The following CHST3 variants were observed in gnomAD, a reference collection of about 807,000 sequenced individuals.
The protein encoded by CHST3 is C6ST-1.
Under a neutral mutation model 35.4 loss-of-function variants are expected in CHST3, and 20 were observed. That is an observed-to-expected ratio of 0.57 (90% CI 0.40 to 0.82). CHST3 has a LOEUF of 0.82. Among genes scored for constraint, CHST3 ranks in the 40% least tolerant of loss-of-function variants. The probability of loss-of-function intolerance (pLI) is 0.00; values close to 1 mark genes in which losing one functional copy is unlikely to be tolerated. For synonymous variants in CHST3, 334 were observed against 295.9 expected (o/e 1.13, Z -1.32); for missense variants, 693 against 670.1 (o/e 1.03, Z -0.38).
intron 1 of CHST3, 93 bp downstream of exon 1, chr10:71,964,787 C>T (rs1839612821): frequency 6.6e-6 from 1 of 152,188 alleles, no homozygotes; most frequent in African/African-American, 2.4e-5. Flanking sequence ...GGCGCGCGCG[C>T]CAGACTTTGG....
chr10:71,979,706 A>G (rs904919278), intron 1 of CHST3, among the ~76,000 whole-genome samples: 1 of 151,984 alleles, frequency 6.6e-6, no homozygotes, highest in Non-Finnish European at 1.5e-5. Context: ...TTCTCTATCT[A>G]AGGTAGTCAG....
At chr10:71,970,364 G>GA (rs1491036938) in intron 1 of CHST3, among the ~76,000 whole-genome samples, 1 of 150,416 alleles carries the variant, frequency 6.6e-6, no homozygotes, top group Non-Finnish European at 1.5e-5. Flanking sequence ...AGGATTTGGA[G>GA]AAAAAGTGTG....
At chr10:71,990,456 C>G (rs555044439) in intron 1 of CHST3, among the ~76,000 whole-genome samples, 16 of 152,288 alleles carry the variant, frequency 1.1e-4, no homozygotes, top group Admixed American at 9.8e-4. Flanking sequence ...CTCCACCTCC[C>G]ACGTTCAAGC....
chr10:72,011,115 A>C lies in CHST3; in HGVS notation c.*2644A>C, dbSNP rs531918105. 1 of 152,332 alleles carries C rather than the reference A, an allele frequency of 6.6e-6. No homozygotes were observed. The highest frequency in any genetic ancestry group is 1.9e-4 in the East Asian group (1 of 5,194). The allele number at this position is 152,332 out of a possible 1,614,324, so 9.4% of individuals were successfully genotyped here. A position where few individuals can be genotyped will look rare whatever the true frequency, so the allele number is the denominator to read the frequency against. On this transcript the variant is annotated 3_prime_UTR_variant, in exon 3 of 3. Coordinates refer to ENST00000373115, the MANE Select transcript of CHST3 (RefSeq NM_004273.5). Reference sequence around the variant, plus strand: ...TCAAGAAAGACAAAATAACAATAGAAACCATTCACACACTCCGTTCATGCA... The same window carrying C: ...TCAAGAAAGACAAAATAACAATAGACACCATTCACACACTCCGTTCATGCA...
In CHST3 at chr10:72,008,197, C is replaced by T. The variant is rs766952355; in HGVS notation, c.1166C>T (p.Ala389Val). The T allele has an allele frequency of 8.4e-6, 13 of 1,550,528 alleles. No homozygotes were observed. Among genetic ancestry groups the T allele is most frequent in the South Asian group, 5.9e-5 (5 of 84,092 alleles). The stretch of plus-strand genomic sequence containing the variant: ...AAGGCCCGCGAGATGTACCGCTTCG[C>T]CGGCATCCCCCTGACCCCGCAGGTG... ...LQKAREMYRF[A>V]GIPLTPQVED... Residue 389 changes from alanine (A) to valine (V), a missense_variant, in exon 3 of 3, where the codon GCC becomes GTC. Ala to Val is a moderately conservative substitution (Grantham distance 64). Coordinates refer to ENST00000373115, the MANE Select transcript of CHST3 (RefSeq NM_004273.5).
At chr10:72,002,838 G>A (rs1452821604) in intron 1 of CHST3, among the ~76,000 whole-genome samples, 1 of 152,180 alleles carries the variant, frequency 6.6e-6, no homozygotes, top group East Asian at 1.9e-4. Context: ...CAGCTACCAG[G>A]CACCAGCCTC....
At chr10:71,970,048 G>A (rs4148914) in intron 1 of CHST3, among the ~76,000 whole-genome samples, 27,570 of 152,230 alleles carry the variant, frequency 0.18, 3,061 homozygotes, top group Middle Eastern at 0.27. Flanking sequence ...CTCCACAGCG[G>A]GGTGTGGGGT....
chr10:72,008,009 C>T lies in CHST3; in HGVS notation c.978C>T (p.Asp326=). The change falls in exon 3 of 3, where the codon GAC becomes GAT. Residue 326 remains aspartate, a synonymous_variant. Coordinates refer to ENST00000373115, the MANE Select transcript of CHST3 (RefSeq NM_004273.5). The stretch of plus-strand genomic sequence containing the variant: ...ATAAGACCTGGAAGAAGTGGCTGGA[C>T]GACGAGGGCCAGGACGGCCTGAGGG... ...GKYKTWKKWL[D]DEGQDGLREE... 6.5e-7 allele frequency: 1 copy of T among 1,549,504 alleles called. No individual in the cohort carries two copies. Among genetic ancestry groups the T allele is most frequent in the Non-Finnish European group, 8.7e-7 (1 of 1,146,516 alleles).
chr10:72,009,194 A>G lies in CHST3; in HGVS notation c.*723A>G, dbSNP rs1374052860. On this transcript the variant is annotated 3_prime_UTR_variant, in exon 3 of 3. Coordinates refer to ENST00000373115, the MANE Select transcript of CHST3 (RefSeq NM_004273.5). ...ACAAGCTTCCTCGCTGCTTATGCCC[A>G]CAGGGTTTTTCTGTATGACACACCT... 2 of 152,268 alleles carry G rather than the reference A, an allele frequency of 1.3e-5. No individual in the cohort carries two copies. The highest frequency in any genetic ancestry group is 4.8e-5 in the African/African-American group (2 of 41,464). 9.4% of individuals were successfully genotyped at this position (152,268 alleles called of 1,614,324 possible).
intron 1 of CHST3, among the ~76,000 whole-genome samples, chr10:71,996,056 C>G (rs1422311543): frequency 6.6e-6 from 1 of 152,162 alleles, no homozygotes; most frequent in Non-Finnish European, 1.5e-5. Flanking sequence ...CATATAAAGG[C>G]ATGTGAGTAA....
At position 72,008,668 on chromosome 10, in the gene CHST3, A is replaced by G; in HGVS notation, c.*197A>G. 1 of 1,191,900 alleles carries G rather than the reference A, an allele frequency of 8.4e-7. No homozygotes were observed. Among genetic ancestry groups the G allele is most frequent in the Non-Finnish European group, 1.1e-6 (1 of 890,724 alleles). The allele number at this position is 1,191,900 out of a possible 1,614,324, so 73.8% of individuals were successfully genotyped here. On this transcript the variant is annotated 3_prime_UTR_variant, in exon 3 of 3. Transcript: ENST00000373115. ...AACAGGACAGTGCCCGGTCCCCTTGAGGGCCATCACACCCAGACCCAACGG... is the reference window on the plus strand; with the variant it reads ...AACAGGACAGTGCCCGGTCCCCTTGGGGGCCATCACACCCAGACCCAACGG...
intron 1 of CHST3, among the ~76,000 whole-genome samples, chr10:71,995,831 CAG>C (rs1415580644): frequency 6.6e-6 from 1 of 152,048 alleles, no homozygotes; most frequent in African/African-American, 2.4e-5. Context: ...ATCACCATAA[CAG>C]ATATAATAAT....
Position 71,989,042 on chromosome 10 carries a change from A to G in CHST3, c.-107-16694A>G, listed in dbSNP as rs570008096. ...CCGGGCATGCTGGCACTCACCTGTA[A>G]TCCCATCTACTCAGGAGGCTGAGGC... On this transcript the variant is annotated intron_variant, in intron 1 of 2. Transcript: ENST00000373115. Among the ~76,000 whole-genome samples, 396 of 152,236 alleles carry G rather than the reference A, an allele frequency of 2.6e-3. 2 individuals are homozygous for G. Among genetic ancestry groups the G allele is most frequent in the African/African-American group, 8.6e-3 (358 of 41,534 alleles).
intron 1 of CHST3, among the ~76,000 whole-genome samples, chr10:72,003,154 T>C (rs1840008942): frequency 6.6e-6 from 1 of 152,166 alleles, no homozygotes. Context: ...TGAGTGCAAG[T>C]GCTTAGCATG....
chr10:71,997,713 T>C (rs192634697), intron 1 of CHST3, among the ~76,000 whole-genome samples: 1,933 of 145,570 alleles, frequency 0.013, 26 homozygotes, highest in Middle Eastern at 0.019. Flanking sequence ...AGACGGAGTC[T>C]TGCAGTGGTG....
intron 1 of CHST3, among the ~76,000 whole-genome samples, chr10:71,976,756 A>G (rs1217860958): frequency 1.3e-5 from 2 of 152,220 alleles, no homozygotes; most frequent in Non-Finnish European, 2.9e-5. Context: ...CTCTGCTTAA[A>G]TTCAAAGACT....
intron 1 of CHST3, among the ~76,000 whole-genome samples, chr10:71,978,635 G>A (rs934314662): frequency 2.0e-5 from 3 of 152,190 alleles, no homozygotes; most frequent in Non-Finnish European, 2.9e-5. Flanking sequence ...TCCTCACAGC[G>A]CTCCCATGTG....
In CHST3 at chr10:71,972,284, G is replaced by A. The variant is rs543031314; in HGVS notation, c.-108+7590G>A. 6.7e-4 allele frequency among the ~76,000 whole-genome samples: 102 copies of A among 152,248 alleles called. 1 individual carries two copies. The Middle Eastern group carries it at 0.031, about 46-fold the overall frequency. On this transcript the variant is annotated intron_variant, in intron 1 of 2. Coordinates refer to ENST00000373115, the MANE Select transcript of CHST3 (RefSeq NM_004273.5). ...TACCACCTGTGCGTGCGTCTGTCCCGTTGTGGCTGCACCGAGAGGAGAAAC... is the reference window on the plus strand; with the variant it reads ...TACCACCTGTGCGTGCGTCTGTCCCATTGTGGCTGCACCGAGAGGAGAAAC...
intron 1 of CHST3, among the ~76,000 whole-genome samples, chr10:71,969,859 G>A (rs1839672468): frequency 6.6e-6 from 1 of 152,226 alleles, no homozygotes; most frequent in African/African-American, 2.4e-5. Context: ...TGGCGGCACA[G>A]AGAGGGTCTT....
Sources: gnomAD v4.1 joint callset for allele counts (sites outside exome capture counted in the v4.1 genomes callset) on GRCh38, gnomAD v4.1.1 for gene constraint, MANE v1.5 for transcripts, NCBI Gene and HGNC (gene_info 2026-07-23, HGNC 2026-07-21) for gene names.